The following PLXDC2 variants were observed in gnomAD, a reference collection of about 807,000 sequenced individuals.
The protein encoded by PLXDC2 is plexin domain containing 2.
Under a neutral mutation model 68.9 loss-of-function variants are expected in PLXDC2, and 40 were observed. The ratio of observed to expected loss-of-function variants is 0.58; its 90% CI spans 0.45 to 0.76. The LOEUF (loss-of-function observed/expected upper bound fraction) is 0.76, where lower values mean the gene tolerates loss of function less well. PLXDC2 is among the 30% of genes least tolerant of loss of function. The pLI, the probability that PLXDC2 is intolerant of heterozygous loss-of-function variation, is 0.00. For synonymous variants in PLXDC2, 243 were observed against 234.2 expected, an observed-to-expected ratio of 1.04 and a Z score of -0.34; for missense variants, 644 against 661.9, an observed-to-expected ratio of 0.97 and a Z score of 0.30.
intron 1 of PLXDC2, among the ~76,000 whole-genome samples, chr10:19,880,978 C>G (rs1248937542): frequency 6.6e-6 from 1 of 152,158 alleles, no homozygotes; most frequent in Non-Finnish European, 1.5e-5. Flanking sequence ...CCAATTATTA[C>G]ACAAGAGTAA....
chr10:20,137,273 A>G (rs1271460132), intron 4 of PLXDC2, among the ~76,000 whole-genome samples: 1 of 152,204 alleles, frequency 6.6e-6, no homozygotes, highest in Non-Finnish European at 1.5e-5. Flanking sequence ...TTCGTCTTGT[A>G]GTACTGACTC....
chr10:20,242,621 C>A (rs1835531816), intron 12 of PLXDC2, among the ~76,000 whole-genome samples: 1 of 152,158 alleles, frequency 6.6e-6, no homozygotes, highest in South Asian at 2.1e-4. Flanking sequence ...CTCCTCCCTT[C>A]TCACCAAATA....
intron 4 of PLXDC2, among the ~76,000 whole-genome samples, chr10:20,076,433 C>T (rs10827956): frequency 0.1 from 15,521 of 152,164 alleles, 967 homozygotes; most frequent in South Asian, 0.3. Context: ...TATAAAATAG[C>T]ACAATAAAAA....
At chr10:20,261,405 A>T (rs1302026487) in intron 13 of PLXDC2, among the ~76,000 whole-genome samples, 1 of 152,182 alleles carries the variant, frequency 6.6e-6, no homozygotes, top group African/African-American at 2.4e-5. Flanking sequence ...TCATATTTTT[A>T]AAATACAAGA....
chr10:20,252,560 A>G (rs777822937), intron 13 of PLXDC2, among the ~76,000 whole-genome samples: 4 of 152,222 alleles, frequency 2.6e-5, no homozygotes, highest in Non-Finnish European at 4.4e-5. Context: ...CATATTTTTT[A>G]AAAGTAGGAA....
At chr10:20,013,828 A>G (rs1410706807) in intron 2 of PLXDC2, among the ~76,000 whole-genome samples, 2 of 152,208 alleles carry the variant, frequency 1.3e-5, no homozygotes. Context: ...CTGTCCACTG[A>G]GTAATCAGAT....
chr10:20,276,927 A>C (rs938567556), intron 13 of PLXDC2, among the ~76,000 whole-genome samples: 3 of 152,090 alleles, frequency 2.0e-5, no homozygotes, highest in African/African-American at 7.2e-5. Flanking sequence ...TATGCTAACT[A>C]AATATTCAGT....
At chr10:19,910,351 A>AT (rs1195822855) in intron 1 of PLXDC2, among the ~76,000 whole-genome samples, 2 of 151,880 alleles carry the variant, frequency 1.3e-5, no homozygotes, top group Non-Finnish European at 2.9e-5. Flanking sequence ...TGTTTCTCGC[A>AT]TTTTTCTAAG....
chr10:20,044,207 C>CTTTCTTTCTTTCTT (rs1409929525), intron 2 of PLXDC2, among the ~76,000 whole-genome samples: 2 of 89,958 alleles, frequency 2.2e-5, no homozygotes, highest in Middle Eastern at 4.6e-3. Context: ...CTCTCTCTCT[C>CTTTCTTTCTTTCTT]TCTGTCTTTC....
intron 13 of PLXDC2, among the ~76,000 whole-genome samples, chr10:20,279,126 A>G (rs1836047809): frequency 6.6e-6 from 1 of 152,200 alleles, no homozygotes. Context: ...TTTAATTTTC[A>G]AGCACAAAGA....
At chr10:20,088,383 C>T (rs1440719991) in intron 4 of PLXDC2, among the ~76,000 whole-genome samples, 1 of 152,130 alleles carries the variant, frequency 6.6e-6, no homozygotes, top group African/African-American at 2.4e-5. Context: ...AGGTATTTTT[C>T]TTGGTTGAGA....
intron 13 of PLXDC2, among the ~76,000 whole-genome samples, chr10:20,266,265 C>T (rs1835870827): frequency 6.6e-6 from 1 of 151,306 alleles, no homozygotes; most frequent in South Asian, 2.1e-4. Flanking sequence ...GGATTAAAAA[C>T]CATTGAAAAT....
At chr10:19,836,140 G>A (rs571829738) in intron 1 of PLXDC2, among the ~76,000 whole-genome samples, 9 of 152,076 alleles carry the variant, frequency 5.9e-5, no homozygotes, top group African/African-American at 1.2e-4. Context: ...TTGGTCCACC[G>A]CACTCCAGCC....
rs555686208 is a variant in PLXDC2, at chr10:19,869,468, AGGG to A, written c.112+52287_112+52289del. 3.6e-4 allele frequency among the ~76,000 whole-genome samples: 16 copies of A among 44,590 alleles called. 1 individual carries two copies. The highest frequency in any genetic ancestry group is 3.1e-3 in the East Asian group (4 of 1,300). The allele number at this position is 44,590 out of a possible 152,430, so 29.3% of individuals were successfully genotyped here. The stretch of plus-strand genomic sequence containing the variant: ...GAAAGAGAGAAAGAGAGAGAGAGAA[AGGG>A]GGGGGGGGGAGAGGGTGGGAGGGAG... On this transcript the variant is annotated intron_variant, in intron 1 of 13. Transcript: ENST00000377252.
intron 1 of PLXDC2, among the ~76,000 whole-genome samples, chr10:19,843,982 A>G (rs1836953064): frequency 6.6e-6 from 1 of 152,204 alleles, no homozygotes; most frequent in Admixed American, 6.5e-5. Flanking sequence ...GGGTGCCCCA[A>G]ATGCCCTGAC....
At chr10:19,834,729 T>C (rs1247272132) in intron 1 of PLXDC2, among the ~76,000 whole-genome samples, 1 of 152,264 alleles carries the variant, frequency 6.6e-6, no homozygotes, top group Non-Finnish European at 1.5e-5. Flanking sequence ...GGTTTAGCTC[T>C]GAGAAGAATT....
At chr10:19,872,459 G>A (rs1837556867) in intron 1 of PLXDC2, among the ~76,000 whole-genome samples, 1 of 152,208 alleles carries the variant, frequency 6.6e-6, no homozygotes, top group African/African-American at 2.4e-5. Flanking sequence ...CAGAGCTGGT[G>A]TCAGTCATTA....
At chr10:19,837,080 G>A (rs983314995) in intron 1 of PLXDC2, among the ~76,000 whole-genome samples, 5 of 151,576 alleles carry the variant, frequency 3.3e-5, no homozygotes, top group African/African-American at 9.7e-5. Flanking sequence ...TTTTCTCCAA[G>A]TATTGCTTGC....
At chr10:20,267,053 G>C (rs1221858535) in intron 13 of PLXDC2, among the ~76,000 whole-genome samples, 1 of 152,044 alleles carries the variant, frequency 6.6e-6, no homozygotes, top group Non-Finnish European at 1.5e-5. Flanking sequence ...TTTCCCAAAA[G>C]AACATTTGTA....
Sources: gnomAD v4.1 joint callset for allele counts (sites outside exome capture counted in the v4.1 genomes callset) on GRCh38, gnomAD v4.1.1 for gene constraint, MANE v1.5 for transcripts, NCBI Gene and HGNC (gene_info 2026-07-23, HGNC 2026-07-21) for gene names.